SLC35F3: variants seen among roughly 807,000 people sequenced by gnomAD.
SLC35F3 encodes solute carrier family 35 member F3, also known as putative thiamine transporter SLC35F3.
Under a neutral mutation model 49.9 loss-of-function variants are expected in SLC35F3, and 25 were observed. The observed-to-expected ratio is 0.50, with a 90% CI of 0.37 to 0.70. The LOEUF is 0.70. Among genes scored for constraint, SLC35F3 ranks in the 30% least tolerant of loss-of-function variants. SLC35F3 has a pLI of 0.00. For missense variants in SLC35F3, 525 were observed against 639.8 expected (o/e 0.82, Z 1.94); for synonymous variants, 275 against 265.4 (o/e 1.04, Z -0.35).
chr1:233,998,308 T>C (rs1033342601), intron 2 of SLC35F3, among the ~76,000 whole-genome samples: 26 of 152,222 alleles, frequency 1.7e-4, no homozygotes, highest in African/African-American at 5.8e-4. Flanking sequence ...TTGTCATATG[T>C]GTTGCAAATA....
chr1:234,022,749 G>A lies in SLC35F3; in HGVS notation c.283+116991G>A, dbSNP rs1463499. Among the ~76,000 whole-genome samples, 787 of 152,208 alleles carry A rather than the reference G, an allele frequency of 5.2e-3. 6 individuals are homozygous for A. Among genetic ancestry groups the A allele is most frequent in the African/African-American group, 0.018 (765 of 41,534 alleles). On this transcript the variant is annotated intron_variant, in intron 2 of 7. Coordinates refer to ENST00000366618, the MANE Select transcript of SLC35F3 (RefSeq NM_173508.4). ...TAAAATTTAAGTCTCAGAAAAAAAG[G>A]CATATTTCTACTGTATACAGCATGT...
intron 2 of SLC35F3, among the ~76,000 whole-genome samples, chr1:233,980,339 G>A (rs1380383678): frequency 6.6e-6 from 1 of 152,150 alleles, no homozygotes; most frequent in Non-Finnish European, 1.5e-5. Context: ...TGATGCCAAC[G>A]ACAATGATGG....
At chr1:234,234,057 C>G (rs933107238) in intron 3 of SLC35F3, among the ~76,000 whole-genome samples, 3 of 152,164 alleles carry the variant, frequency 2.0e-5, no homozygotes, top group African/African-American at 4.8e-5. Flanking sequence ...TCTGTCACAA[C>G]TCATATTGGG....
chr1:234,088,792 C>T (rs1664997956), intron 2 of SLC35F3, among the ~76,000 whole-genome samples: 1 of 152,100 alleles, frequency 6.6e-6, no homozygotes, highest in Non-Finnish European at 1.5e-5. Flanking sequence ...GACAGAGTCT[C>T]TCTCTGTCAT....
chr1:233,957,934 G>T lies in SLC35F3; in HGVS notation c.283+52176G>T, dbSNP rs2102809240. On this transcript the variant is annotated intron_variant, in intron 2 of 7. Transcript: ENST00000366618. This position sits in a 1 kb window ranked among gnomAD's most constrained non-coding sequence, Gnocchi z 4.0. ...GCCTTTTATATGTTTGTGGTCAAGTGGGTCTAGGGTTCAACTTTGCTGAGG... is the reference window on the plus strand; with the variant it reads ...GCCTTTTATATGTTTGTGGTCAAGTTGGTCTAGGGTTCAACTTTGCTGAGG... Among the ~76,000 whole-genome samples the T allele has an allele frequency of 6.6e-6, 1 of 152,282 alleles. No homozygotes were observed. Among genetic ancestry groups the T allele is most frequent in the Admixed American group, 6.5e-5 (1 of 15,290 alleles).
At chr1:234,164,769 T>C (rs896603597) in intron 2 of SLC35F3, among the ~76,000 whole-genome samples, 1 of 149,554 alleles carries the variant, frequency 6.7e-6, no homozygotes, top group Non-Finnish European at 1.5e-5. Context: ...TCAAGGAGAG[T>C]TGTGTTTAGC....
intron 2 of SLC35F3, among the ~76,000 whole-genome samples, chr1:233,986,672 G>A (rs947846831): frequency 1.1e-4 from 17 of 151,986 alleles, no homozygotes; most frequent in African/African-American, 3.9e-4. Context: ...TTTAACATTT[G>A]CTTATTTTTG....
intron 2 of SLC35F3, among the ~76,000 whole-genome samples, chr1:233,985,463 A>G (rs1663252042): frequency 6.6e-6 from 1 of 152,198 alleles, no homozygotes; most frequent in Non-Finnish European, 1.5e-5. Flanking sequence ...AAATTTAGAG[A>G]TATGGAAGAC....
intron 2 of SLC35F3, among the ~76,000 whole-genome samples, chr1:234,069,319 G>A (rs1664679782): frequency 6.8e-6 from 1 of 147,376 alleles, no homozygotes; most frequent in South Asian, 2.1e-4. Context: ...GTGCAGTGGT[G>A]CAATCTCAGC....
At position 234,068,823 on chromosome 1, in the gene SLC35F3, T is replaced by TTTTATA. The variant is rs1553302354; in HGVS notation, c.284-162593_284-162592insTTATAT. Among the ~76,000 whole-genome samples, 44 of 71,154 alleles carry TTTTATA rather than the reference T, an allele frequency of 6.2e-4. 4 individuals are homozygous for TTTTATA. The highest frequency in any genetic ancestry group is 0.011 in the Middle Eastern group (1 of 92). 46.7% of individuals were successfully genotyped at this position (71,154 alleles called of 152,430 possible). ...GAGTGACAGGATAAGATTTGAGACATTATATATATATATATATATATATAT... is the reference window on the plus strand; with the variant it reads ...GAGTGACAGGATAAGATTTGAGACATTTTATATATATATATATATATATATATATAT... On this transcript the variant is annotated intron_variant, in intron 2 of 7. Coordinates refer to ENST00000366618, the MANE Select transcript of SLC35F3 (RefSeq NM_173508.4).
At chr1:234,065,206 G>A (rs1664599726) in intron 2 of SLC35F3, among the ~76,000 whole-genome samples, 1 of 152,028 alleles carries the variant, frequency 6.6e-6, no homozygotes, top group Non-Finnish European at 1.5e-5. Flanking sequence ...GAGTGCAGTA[G>A]CACAATCTCG....
intron 2 of SLC35F3, among the ~76,000 whole-genome samples, chr1:233,941,891 A>G (rs752721329): frequency 1.3e-5 from 2 of 151,808 alleles, no homozygotes; most frequent in Non-Finnish European, 2.9e-5. Context: ...ACCATCACCA[A>G]TTAAGGTAAT....
intron 2 of SLC35F3, among the ~76,000 whole-genome samples, chr1:234,067,605 C>A (rs1035956595): frequency 2.6e-4 from 40 of 152,172 alleles, no homozygotes; most frequent in African/African-American, 9.2e-4. Context: ...CCTGAGACTA[C>A]CTGGCGAAGA....
intron 2 of SLC35F3, among the ~76,000 whole-genome samples, chr1:234,144,942 C>A (rs542907709): frequency 6.6e-6 from 1 of 152,196 alleles, no homozygotes. Flanking sequence ...TAGGAAATAG[C>A]ATGTGTAGTG....
At position 234,136,372 on chromosome 1, in the gene SLC35F3, C is replaced by T. The variant is rs537563695; in HGVS notation, c.284-95045C>T. ...TTTCTTTATCCTTCCTTCCTTCTTT[C>T]TTTCTATTTCTTTTTTTTCCTAGAG... On this transcript the variant is annotated intron_variant, in intron 2 of 7. Transcript: ENST00000366618. 1.0e-3 allele frequency among the ~76,000 whole-genome samples: 148 copies of T among 148,330 alleles called. 1 individual carries two copies. Among genetic ancestry groups the T allele is most frequent in the Admixed American group, 3.1e-3 (46 of 14,728 alleles).
chr1:234,242,065 C>T (rs1386593397), intron 3 of SLC35F3, among the ~76,000 whole-genome samples: 1 of 152,204 alleles, frequency 6.6e-6, no homozygotes, highest in African/African-American at 2.4e-5. Flanking sequence ...ATAAGCTTTG[C>T]TTGGCTAATG....
chr1:234,290,859 G>A (rs1668495832), intron 3 of SLC35F3, among the ~76,000 whole-genome samples: 2 of 152,192 alleles, frequency 1.3e-5, no homozygotes, highest in African/African-American at 4.8e-5. Flanking sequence ...AACTTGAAAA[G>A]TGATATAACT....
chr1:234,226,184 T>C (rs1000441538), intron 2 of SLC35F3, among the ~76,000 whole-genome samples: 2 of 152,210 alleles, frequency 1.3e-5, no homozygotes, highest in Non-Finnish European at 2.9e-5. Context: ...AATAAAGCTG[T>C]AAACAAATAA....
intron 2 of SLC35F3, among the ~76,000 whole-genome samples, chr1:234,204,494 C>T (rs532376268): frequency 6.6e-6 from 1 of 152,284 alleles, no homozygotes; most frequent in East Asian, 1.9e-4. Flanking sequence ...GTCACAATTA[C>T]GATGGCCCTA....
Sources: allele counts gnomAD v4.1 joint callset (sites outside exome capture counted in the v4.1 genomes callset), GRCh38; gene constraint gnomAD v4.1.1; non-coding constraint Gnocchi (gnomAD v3.1); transcripts MANE v1.5; gene names NCBI Gene and HGNC (gene_info 2026-07-23, HGNC 2026-07-21).